Variants in CEACAM6 observed in about 807,000 individuals in gnomAD.
CEACAM6 encodes cell adhesion molecule CEACAM6.
Under a neutral mutation model 32.4 loss-of-function variants are expected in CEACAM6, and 21 were observed. The ratio of observed to expected loss-of-function variants is 0.65; its 90% CI spans 0.46 to 0.93. The LOEUF is 0.93. CEACAM6 is among the 40% of genes least tolerant of loss of function. The probability of loss-of-function intolerance (pLI) is 0.00; values close to 1 mark genes in which losing one functional copy is unlikely to be tolerated. For missense variants in CEACAM6, 406 were observed against 432.2 expected (o/e 0.94, Z 0.54); for synonymous variants, 184 against 174.4 (o/e 1.06, Z -0.43).
At chr19:41,768,671 G>C (rs2072971782) in intron 5 of CEACAM6, among the ~76,000 whole-genome samples, 1 of 151,384 alleles carries the variant, frequency 6.6e-6, no homozygotes, top group African/African-American at 2.4e-5. Context: ...TCCCAGTAGG[G>C]GCGGCCGGGC....
rs1210976271 is a variant in CEACAM6, at chr19:41,761,390, C to G, written c.566C>G (p.Pro189Arg). The change falls in exon 3 of 6, where the codon CCC (proline) becomes CGC (arginine). Residue 189 changes from proline (P) to arginine (R), a missense_variant. By Grantham distance (103) the Pro-to-Arg change is moderately radical. Coordinates refer to ENST00000199764, the MANE Select transcript of CEACAM6 (RefSeq NM_002483.7). ...WVNGQSLPVS[P>R]RLQLSNGNMT... ...AATGGTCAGAGCCTCCCGGTCAGTCCCAGGCTGCAGCTGTCCAATGGCAAC... is the reference window on the plus strand; with the variant it reads ...AATGGTCAGAGCCTCCCGGTCAGTCGCAGGCTGCAGCTGTCCAATGGCAAC... The G allele has an allele frequency of 1.2e-6, 2 of 1,614,036 alleles. No homozygotes were observed. The highest frequency in any genetic ancestry group is 1.7e-6 in the Non-Finnish European group (2 of 1,180,030).
chr19:41,757,672 A>G (rs144567889), intron 2 of CEACAM6, among the ~76,000 whole-genome samples: 1 of 152,272 alleles, frequency 6.6e-6, no homozygotes, highest in East Asian at 1.9e-4. Flanking sequence ...CAGAGAAGAG[A>G]GGATGCTCCT....
intron 4 of CEACAM6, among the ~76,000 whole-genome samples, chr19:41,763,113 A>G (rs2072936757): frequency 6.6e-6 from 1 of 152,184 alleles, no homozygotes; most frequent in African/African-American, 2.4e-5. Flanking sequence ...TGTATCTAAT[A>G]TAGGACTTAC....
chr19:41,759,545 G>A (rs1284488407), intron 2 of CEACAM6, among the ~76,000 whole-genome samples: 1 of 152,118 alleles, frequency 6.6e-6, no homozygotes, highest in Non-Finnish European at 1.5e-5. Flanking sequence ...ATCCTCCTAA[G>A]AGGACTCATA....
At chr19:41,761,637 G>A in intron 3 of CEACAM6, 110 bp downstream of exon 3, 2 of 1,546,472 alleles carry the variant, frequency 1.3e-6, no homozygotes, top group Non-Finnish European at 1.8e-6. Flanking sequence ...CCTCACCCAG[G>A]CTGGCCATGA....
At chr19:41,755,822 C>A in intron 1 of CEACAM6, 120 bp downstream of exon 1, 1 of 702,850 alleles carries the variant, frequency 1.4e-6, no homozygotes, top group Non-Finnish European at 2.3e-6. Flanking sequence ...CCTGAGGAAA[C>A]AGAACACCAG....
In CEACAM6 at chr19:41,756,896, AC is replaced by A. The variant is rs781793858; in HGVS notation, c.364del (p.Leu122TyrfsTer4). The stretch of plus-strand genomic sequence containing the variant: ...CACCCAGAATGACACAGGATTCTAT[AC>A]CCTACAAGTCATAAAGTCAGATCTT... ...NVTQNDTGFY[T>X]LQVIKSDLVN... On this transcript the variant is annotated frameshift_variant, in exon 2 of 6. Coordinates refer to ENST00000199764, the MANE Select transcript of CEACAM6 (RefSeq NM_002483.7). LOFTEE classifies it high-confidence loss of function. The A allele has an allele frequency of 1.2e-6, 2 of 1,614,028 alleles. No individual in the cohort carries two copies. The highest frequency in any genetic ancestry group is 1.7e-6 in the Non-Finnish European group (2 of 1,179,950).
At chr19:41,758,080 G>A (rs1476698908) in intron 2 of CEACAM6, 1 of 152,212 alleles carries the variant, frequency 6.6e-6, no homozygotes, top group Non-Finnish European at 1.5e-5. Context: ...GGAGATTCTG[G>A]TCTGGAAAGT....
At chr19:41,760,600 T>C (rs2072916674) in intron 2 of CEACAM6, among the ~76,000 whole-genome samples, 1 of 152,200 alleles carries the variant, frequency 6.6e-6, no homozygotes, top group Non-Finnish European at 1.5e-5. Context: ...TGAATTCTGC[T>C]CTATCTGTAG....
At position 41,762,113 on chromosome 19, in the gene CEACAM6, A is replaced by G. The variant is rs2072928964; in HGVS notation, c.848A>G (p.Glu283Gly). The change falls in exon 4 of 6, where the codon GAG (glutamate) becomes GGG (glycine). Residue 283 changes from glutamate to glycine, a missense_variant. Glu to Gly is a moderately conservative substitution (Grantham distance 98). Transcript: ENST00000199764. ...INGTFQQSTQ[E>G]LFIPNITVNN... The stretch of plus-strand genomic sequence containing the variant: ...GGGACGTTCCAGCAATCCACACAAG[A>G]GCTCTTTATCCCCAACATCACTGTG... 6.2e-7 allele frequency: 1 copy of G among 1,614,108 alleles called. No homozygotes were observed.
chr19:41,766,528 A>C (rs1167471767), intron 5 of CEACAM6, among the ~76,000 whole-genome samples: 1 of 152,102 alleles, frequency 6.6e-6, no homozygotes, highest in Non-Finnish European at 1.5e-5. Context: ...TGTTTCCTAG[A>C]GTCAATACAT....
chr19:41,766,031 G>A (rs142514735), intron 4 of CEACAM6, 152 bp from the exon 5 acceptor site: 25 of 452,794 alleles, frequency 5.5e-5, no homozygotes, highest in African/African-American at 1.6e-4. Flanking sequence ...ACCTAGAAAC[G>A]TGGTAAGAGA....
chr19:41,768,380 G>A (rs1353945328), intron 5 of CEACAM6, among the ~76,000 whole-genome samples: 2 of 152,174 alleles, frequency 1.3e-5, no homozygotes, highest in Non-Finnish European at 2.9e-5. Context: ...ACCCTGAGTG[G>A]ACACAGCACA....
At chr19:41,758,006 A>C (rs1555821392) in intron 2 of CEACAM6, 1 of 152,218 alleles carries the variant, frequency 6.6e-6, no homozygotes, top group Non-Finnish European at 1.5e-5. Context: ...GTTGTTAGGC[A>C]TCTGCATCTG....
In CEACAM6 at chr19:41,756,806, C is replaced by T; in HGVS notation, c.271C>T (p.Pro91Ser). Residue 91 changes from proline to serine, a missense_variant, in exon 2 of 6, where the codon CCA (proline) becomes TCA (serine). By Grantham distance (74) the Pro-to-Ser change is moderately conservative. Coordinates refer to ENST00000199764, the MANE Select transcript of CEACAM6 (RefSeq NM_002483.7). Reference protein sequence around the residue: ...GYVIGTQQATPGPAYSGRETI... With the variant: ...GYVIGTQQATSGPAYSGRETI... Reference sequence around the variant, plus strand: ...TGTAATAGGAACTCAACAAGCTACCCCAGGGCCCGCATACAGTGGTCGAGA... The same window carrying T: ...TGTAATAGGAACTCAACAAGCTACCTCAGGGCCCGCATACAGTGGTCGAGA... The T allele has an allele frequency of 6.2e-7, 1 of 1,614,128 alleles. No homozygotes were observed. The highest frequency in any genetic ancestry group is 1.1e-5 in the South Asian group (1 of 91,078).
Position 41,762,281 on chromosome 19 carries a change from G to C in CEACAM6, c.958+58G>C, listed in dbSNP as rs1274667025. 5 of 1,560,924 alleles carry C rather than the reference G, an allele frequency of 3.2e-6. No individual in the cohort carries two copies. In the East Asian group the frequency reaches 1.1e-4, roughly 35 times the overall value. ...TTTCAGGTGGAGTCTGGCTCTCAGA[G>C]AAGAGCCAGGAAGAAATTTTCTTTC... On this transcript the variant is annotated intron_variant, in intron 4 of 5. Transcript: ENST00000199764.
At chr19:41,768,949 T>C (rs545771087) in intron 5 of CEACAM6, among the ~76,000 whole-genome samples, 1 of 152,264 alleles carries the variant, frequency 6.6e-6, no homozygotes, top group African/African-American at 2.4e-5. Flanking sequence ...TTGTTTTTTG[T>C]TTTTGTTTTT....
At position 41,761,232 on chromosome 19, in the gene CEACAM6, C is replaced by G. The variant is rs376023129; in HGVS notation, c.425-17C>G. 47 of 1,614,086 alleles carry G rather than the reference C, an allele frequency of 2.9e-5. No homozygotes were observed. The highest frequency in any genetic ancestry group is 3.7e-5 in the Non-Finnish European group (44 of 1,180,034). On this transcript the variant is annotated splice_polypyrimidine_tract_variant and intron_variant, in intron 2 of 5. Transcript: ENST00000199764. The stretch of plus-strand genomic sequence containing the variant: ...AAGGTGCCACACAGGGCAATCTTCT[C>G]TCTGTTTTCTGCACAGCGGAGCTGC...
At position 41,756,643 on chromosome 19, in the gene CEACAM6, C is replaced by G. The variant is rs144726013; in HGVS notation, c.108C>G (p.Leu36=). 2 of 1,614,140 alleles carry G rather than the reference C, an allele frequency of 1.2e-6. No homozygotes were observed. The highest frequency in any genetic ancestry group is 2.2e-5 in the South Asian group (2 of 91,076). Residue 36 remains leucine (L), a synonymous_variant, in exon 2 of 6, where the codon CTC becomes CTG. Transcript: ENST00000199764. ...TFWNPPTTAK[L]TIESTPFNVA... ...GGAACCCACCCACCACTGCCAAGCT[C>G]ACTATTGAATCCACGCCGTTCAATG...
Sources: allele counts gnomAD v4.1 joint callset (sites outside exome capture counted in the v4.1 genomes callset), GRCh38; gene constraint gnomAD v4.1.1; transcripts MANE v1.5; gene names NCBI Gene and HGNC (gene_info 2026-07-23, HGNC 2026-07-21).